The following MALRD1 variants were observed in gnomAD, a reference collection of about 807,000 sequenced individuals.
The protein encoded by MALRD1 is MAM and LDL receptor class A domain containing 1.
MALRD1 carries 247 observed loss-of-function variants against 242.1 expected under a neutral mutation model. That is an observed-to-expected ratio of 1.02 (90% CI 0.92 to 1.13). The LOEUF is 1.13. MALRD1 is among the 50% of genes most tolerant of loss of function. The pLI is 0.00. For synonymous variants in MALRD1, 995 were observed against 866.6 expected (o/e 1.15, Z -2.60); for missense variants, 2,989 against 2,533.1 (o/e 1.18, Z -3.86).
intron 10 of MALRD1, among the ~76,000 whole-genome samples, chr10:19,141,785 G>T (rs1833553136): frequency 6.6e-6 from 1 of 151,874 alleles, no homozygotes; most frequent in African/African-American, 2.4e-5. Flanking sequence ...AGGGGACGTT[G>T]GTATAATAGT....
chr10:19,293,006 A>T (rs958106830), intron 21 of MALRD1, among the ~76,000 whole-genome samples: 2 of 152,202 alleles, frequency 1.3e-5, no homozygotes, highest in African/African-American at 2.4e-5. Flanking sequence ...GTGAAGAGAA[A>T]ATATTATAAT....
chr10:19,732,900 T>C (rs1835352642), intron 39 of MALRD1, among the ~76,000 whole-genome samples: 1 of 152,220 alleles, frequency 6.6e-6, no homozygotes. Context: ...AAGTGATTTA[T>C]GTTTATTTTC....
chr10:19,265,566 C>A (rs561215536), intron 19 of MALRD1, among the ~76,000 whole-genome samples: 1 of 152,118 alleles, frequency 6.6e-6, no homozygotes, highest in South Asian at 2.1e-4. Flanking sequence ...CAGTTTCATA[C>A]CATTGTGGTT....
At chr10:19,436,868 A>G (rs1026363907) in intron 28 of MALRD1, among the ~76,000 whole-genome samples, 3 of 152,168 alleles carry the variant, frequency 2.0e-5, no homozygotes, top group Non-Finnish European at 4.4e-5. Flanking sequence ...TTACAGTATT[A>G]TACAGAAAAG....
intron 12 of MALRD1, among the ~76,000 whole-genome samples, chr10:19,161,686 C>T (rs1834425503): frequency 6.6e-6 from 1 of 151,774 alleles, no homozygotes; most frequent in Non-Finnish European, 1.5e-5. Context: ...GACAATGTTC[C>T]CTATGTTAAG....
intron 21 of MALRD1, among the ~76,000 whole-genome samples, chr10:19,323,020 A>C (rs1241525207): frequency 6.6e-6 from 1 of 152,082 alleles, no homozygotes; most frequent in Non-Finnish European, 1.5e-5. Context: ...TAGGGTCATA[A>C]ATTCTTTCTT....
chr10:19,531,285 C>G lies in MALRD1; in HGVS notation c.5412C>G (p.Ser1804Arg). Residue 1804 changes from serine (S) to arginine (R), a missense_variant, in exon 32 of 40, where the codon AGC becomes AGG. Coordinates refer to ENST00000454679, the MANE Select transcript of MALRD1 (RefSeq NM_001142308.3). ...CTACTTCCAAATCCTTCCCAGCAAGCCTTGGAATGTGTACTGTTCGGTTCT... is the reference window on the plus strand; with the variant it reads ...CTACTTCCAAATCCTTCCCAGCAAGGCTTGGAATGTGTACTGTTCGGTTCT... ...RITTSKSFPA[S>R]LGMCTVRFWF... 1.3e-6 allele frequency: 2 copies of G among 1,550,300 alleles called. No homozygotes were observed. The highest frequency in any genetic ancestry group is 1.2e-5 in the South Asian group (1 of 84,038).
At chr10:19,662,319 C>A (rs1402477947) in intron 36 of MALRD1, among the ~76,000 whole-genome samples, 1 of 152,104 alleles carries the variant, frequency 6.6e-6, no homozygotes, top group Admixed American at 6.6e-5. Context: ...ATGAAAGTCT[C>A]CACTGAGGCT....
At chr10:19,527,939 G>A (rs1038481422) in intron 31 of MALRD1, among the ~76,000 whole-genome samples, 1 of 151,842 alleles carries the variant, frequency 6.6e-6, no homozygotes, top group South Asian at 2.1e-4. Flanking sequence ...AAATACCTTG[G>A]ATTTAAAGAA....
chr10:19,615,545 A>T (rs1189791439), intron 35 of MALRD1, among the ~76,000 whole-genome samples: 1 of 129,238 alleles, frequency 7.7e-6, no homozygotes, highest in Non-Finnish European at 1.5e-5. Context: ...AGAGGAAGAG[A>T]GAAAGAAAAA....
At chr10:19,410,302 G>A (rs1030326761) in intron 28 of MALRD1, among the ~76,000 whole-genome samples, 3 of 151,890 alleles carry the variant, frequency 2.0e-5, no homozygotes, top group Admixed American at 1.3e-4. Flanking sequence ...GATATCTCAC[G>A]CCCAAGTTTA....
At chr10:19,406,177 T>G (rs910846852) in intron 28 of MALRD1, among the ~76,000 whole-genome samples, 3 of 152,226 alleles carry the variant, frequency 2.0e-5, no homozygotes, top group African/African-American at 7.2e-5. Context: ...TTGGAAACTA[T>G]AAAGCATTTA....
At chr10:19,658,721 T>G (rs937832680) in intron 36 of MALRD1, among the ~76,000 whole-genome samples, 3 of 152,108 alleles carry the variant, frequency 2.0e-5, no homozygotes, top group African/African-American at 7.2e-5. Context: ...CCAACTTGAA[T>G]TTCTATTACT....
Position 19,438,769 on chromosome 10 carries a change from T to A in MALRD1, c.4846-11538T>A, listed in dbSNP as rs189554918. ...CAAGCTATTGGGTTCTCTTGAGTGG[T>A]GAGTGACTTTTTTTCTTGTGCCCAC... On this transcript the variant is annotated intron_variant, in intron 28 of 39. Transcript: ENST00000454679. 1.6e-3 allele frequency among the ~76,000 whole-genome samples: 249 copies of A among 152,252 alleles called. 1 individual carries two copies. The highest frequency in any genetic ancestry group is 5.7e-3 in the African/African-American group (237 of 41,540).
chr10:19,179,436 G>A (rs761469018), intron 14 of MALRD1, among the ~76,000 whole-genome samples: 1 of 152,036 alleles, frequency 6.6e-6, no homozygotes, highest in Non-Finnish European at 1.5e-5. Context: ...GATCACTTGA[G>A]GCCAGGAGTT....
At chr10:19,651,341 A>C (rs76727021) in intron 36 of MALRD1, among the ~76,000 whole-genome samples, 4,372 of 152,234 alleles carry the variant, frequency 0.029, 197 homozygotes, top group African/African-American at 0.089. Context: ...GTTTCTTTCT[A>C]AATTAAAAAC....
rs1041400610 is a variant in MALRD1 at position 19,150,842 on chromosome 10, C to G, written c.1559-4233C>G. Among the ~76,000 whole-genome samples, 4 of 152,128 alleles carry G rather than the reference C, an allele frequency of 2.6e-5. No individual in the cohort carries two copies. The East Asian group carries it at 7.7e-4, about 29-fold the overall frequency. On this transcript the variant is annotated intron_variant, in intron 11 of 39. Transcript: ENST00000454679. ...TTTGGATATACCATAATGTATCTAGCTGTTCCCCTATCCAGTGACATCAAT... is the reference window on the plus strand; with the variant it reads ...TTTGGATATACCATAATGTATCTAGGTGTTCCCCTATCCAGTGACATCAAT...
intron 5 of MALRD1, among the ~76,000 whole-genome samples, chr10:19,113,593 C>T (rs566037540): frequency 6.6e-6 from 1 of 151,706 alleles, no homozygotes; most frequent in African/African-American, 2.4e-5. Context: ...CCTCTCCTTT[C>T]CTTTTTCTTC....
At chr10:19,564,903 C>G (rs963987443) in intron 32 of MALRD1, among the ~76,000 whole-genome samples, 5 of 152,060 alleles carry the variant, frequency 3.3e-5, no homozygotes, top group African/African-American at 1.2e-4. Flanking sequence ...TGTTAGTGGG[C>G]TTCTCATTAG....
Sources: gnomAD v4.1 joint callset for allele counts (sites outside exome capture counted in the v4.1 genomes callset) on GRCh38, gnomAD v4.1.1 for gene constraint, MANE v1.5 for transcripts, NCBI Gene and HGNC (gene_info 2026-07-23, HGNC 2026-07-21) for gene names.